The following CLMP variants were observed in gnomAD, a reference collection of about 807,000 sequenced individuals.
The protein encoded by CLMP is CXADR like cell adhesion molecule.
A neutral mutation model predicts 45.2 loss-of-function variants in CLMP; 27 were observed. The ratio of observed to expected loss-of-function variants is 0.60; its 90% CI spans 0.44 to 0.82. The LOEUF is 0.82. Among genes scored for constraint, CLMP ranks in the 40% least tolerant of loss-of-function variants. CLMP has a pLI of 0.00. For synonymous variants in CLMP, 167 were observed against 171.4 expected (o/e 0.97, Z 0.20); for missense variants, 403 against 448.4 (o/e 0.90, Z 0.91).
intron 1 of CLMP, among the ~76,000 whole-genome samples, chr11:123,159,885 T>G (rs1447728625): frequency 6.6e-6 from 1 of 152,220 alleles, no homozygotes. Flanking sequence ...TTGGTTTGTT[T>G]TTAAGACCTC....
chr11:123,148,334 G>A lies in CLMP; in HGVS notation c.28+46579C>T, dbSNP rs889904918. ...AGATTTGTCTGAATTCTGCACAAGG[G>A]CATTTGGATGGAATCTGAAGAAGAA... On this transcript the variant is annotated intron_variant, in intron 1 of 6. Transcript: ENST00000448775. Among the ~76,000 whole-genome samples, 2 of 152,186 alleles carry A rather than the reference G, an allele frequency of 1.3e-5. 1 individual carries two copies. The highest frequency in any genetic ancestry group is 2.9e-5 in the Non-Finnish European group (2 of 68,034).
chr11:123,167,580 C>T (rs2135538294), intron 1 of CLMP, among the ~76,000 whole-genome samples: 1 of 152,122 alleles, frequency 6.6e-6, no homozygotes, highest in East Asian at 1.9e-4. Flanking sequence ...CCACCACGCC[C>T]CGCCGAAAGA....
chr11:123,086,008 C>A (rs932351128), intron 2 of CLMP, among the ~76,000 whole-genome samples: 4 of 152,004 alleles, frequency 2.6e-5, no homozygotes, highest in Non-Finnish European at 2.9e-5. Context: ...AACTCCTGAC[C>A]TCAGATGATC....
intron 1 of CLMP, among the ~76,000 whole-genome samples, chr11:123,119,068 TC>T (rs1860774129): frequency 9.6e-6 from 1 of 104,556 alleles, no homozygotes; most frequent in East Asian, 3.2e-4. Flanking sequence ...TCTCTCTCTC[TC>T]TCTCTCTCTC....
At chr11:123,132,099 T>A (rs1861000491) in intron 1 of CLMP, among the ~76,000 whole-genome samples, 1 of 152,210 alleles carries the variant, frequency 6.6e-6, no homozygotes, top group South Asian at 2.1e-4. Flanking sequence ...GGTCTATGTG[T>A]AAGAAACCTC....
intron 2 of CLMP, among the ~76,000 whole-genome samples, chr11:123,093,410 G>A (rs925683753): frequency 1.3e-5 from 2 of 151,954 alleles, no homozygotes; most frequent in Non-Finnish European, 2.9e-5. Context: ...GCAGTGGTGC[G>A]ATCTCGGCTC....
intron 2 of CLMP, among the ~76,000 whole-genome samples, chr11:123,097,024 A>AT: frequency 6.6e-6 from 1 of 151,670 alleles, no homozygotes; most frequent in Admixed American, 6.6e-5. Context: ...AATTAAAAAA[A>AT]TTTTTTTGGT....
rs1302882501 is a variant in CLMP at position 123,107,923 on chromosome 11, G to A, written c.29-9971C>T. Reference sequence around the variant, plus strand: ...ATTCCTCACAACAACAGCCATCTTAGCACACCTAAGAAAATTGATAATATT... The same window carrying A: ...ATTCCTCACAACAACAGCCATCTTAACACACCTAAGAAAATTGATAATATT... On this transcript the variant is annotated intron_variant, in intron 1 of 6. Transcript: ENST00000448775. Among the ~76,000 whole-genome samples, 3 of 152,140 alleles carry A rather than the reference G, an allele frequency of 2.0e-5. No homozygotes were observed. The East Asian group carries it at 5.8e-4, about 29-fold the overall frequency.
chr11:123,119,633 A>G (rs371017018), intron 1 of CLMP, among the ~76,000 whole-genome samples: 46 of 152,310 alleles, frequency 3.0e-4, no homozygotes, highest in African/African-American at 1.1e-3. Context: ...TCTGTCTCAC[A>G]GTGACCCTCA....
intron 1 of CLMP, among the ~76,000 whole-genome samples, chr11:123,141,435 T>C (rs4935826): frequency 0.4 from 60,559 of 151,834 alleles, 13,382 homozygotes; most frequent in African/African-American, 0.59. Context: ...CCACCCGCCT[T>C]GGCCTCCCAA....
intron 2 of CLMP, among the ~76,000 whole-genome samples, chr11:123,095,625 A>T (rs1865980007): frequency 6.6e-6 from 1 of 152,194 alleles, no homozygotes; most frequent in Non-Finnish European, 1.5e-5. Flanking sequence ...GGTAATAGGT[A>T]TGAAGACCTG....
intron 1 of CLMP, among the ~76,000 whole-genome samples, chr11:123,162,343 G>C (rs1250856470): frequency 6.6e-6 from 1 of 152,188 alleles, no homozygotes; most frequent in Non-Finnish European, 1.5e-5. Context: ...GATTATTTAT[G>C]ATTTATAACA....
At chr11:123,158,278 C>A (rs992534746) in intron 1 of CLMP, among the ~76,000 whole-genome samples, 1 of 152,134 alleles carries the variant, frequency 6.6e-6, no homozygotes, top group African/African-American at 2.4e-5. Flanking sequence ...GGATGCAATC[C>A]TTTTTAATGA....
intron 1 of CLMP, among the ~76,000 whole-genome samples, chr11:123,130,906 T>C (rs2447079): frequency 6.8e-6 from 1 of 146,824 alleles, no homozygotes; most frequent in Non-Finnish European, 1.5e-5. Context: ...GCAGTGGCGC[T>C]ATCTCAGCTT....
At chr11:123,170,090 G>T (rs1232097755) in intron 1 of CLMP, among the ~76,000 whole-genome samples, 1 of 152,186 alleles carries the variant, frequency 6.6e-6, no homozygotes, top group Non-Finnish European at 1.5e-5. Flanking sequence ...AAAAGGGTCT[G>T]GAAGAGGAAA....
chr11:123,102,081 G>A (rs527600510), intron 1 of CLMP, among the ~76,000 whole-genome samples: 2 of 152,098 alleles, frequency 1.3e-5, no homozygotes, highest in South Asian at 4.2e-4. Flanking sequence ...CTACTTGGGG[G>A]GCTGAGGTGG....
chr11:123,101,047 C>T (rs964746313), intron 1 of CLMP, among the ~76,000 whole-genome samples: 3 of 152,124 alleles, frequency 2.0e-5, no homozygotes, highest in Non-Finnish European at 4.4e-5. Context: ...TTCTTGTATC[C>T]CCCCAAGTTC....
chr11:123,075,266 A>G (rs1171516809), intron 5 of CLMP, among the ~76,000 whole-genome samples: 2 of 150,556 alleles, frequency 1.3e-5, no homozygotes, highest in Admixed American at 6.6e-5. Context: ...AGGTCTTTAT[A>G]TCTATCTTCC....
At chr11:123,092,320 C>T (rs377337239) in intron 2 of CLMP, among the ~76,000 whole-genome samples, 10 of 149,186 alleles carry the variant, frequency 6.7e-5, no homozygotes, top group East Asian at 1.9e-4. Flanking sequence ...CTTTTTGAGA[C>T]GGAGCCTAGC....
Sources: allele counts gnomAD v4.1 joint callset (sites outside exome capture counted in the v4.1 genomes callset), GRCh38; gene constraint gnomAD v4.1.1; transcripts MANE v1.5; gene names NCBI Gene and HGNC (gene_info 2026-07-23, HGNC 2026-07-21).